The following GAB1 variants were observed in gnomAD, a reference collection of about 807,000 sequenced individuals.
GAB1 encodes the protein GRB2-associated-binding protein 1.
Under a neutral mutation model 66.5 loss-of-function variants are expected in GAB1, and 19 were observed. The observed-to-expected ratio is 0.29, with a 90% CI of 0.20 to 0.42. GAB1 has a LOEUF of 0.42. GAB1 is among the 10% of genes least tolerant of loss of function. GAB1 has a pLI of 1.00. For synonymous variants in GAB1, 294 were observed against 301.4 expected, an observed-to-expected ratio of 0.98 and a Z score of 0.25; for missense variants, 732 against 858.5, an observed-to-expected ratio of 0.85 and a Z score of 1.84.
intron 1 of GAB1, chr4:143,395,876 A>G: frequency 2.2e-6 from 1 of 454,762 alleles, no homozygotes; most frequent in Non-Finnish European, 4.4e-6. Flanking sequence ...GCTTGTCGAG[A>G]TTGATGGACC....
intron 1 of GAB1, among the ~76,000 whole-genome samples, chr4:143,399,238 T>A (rs969565768): frequency 7.2e-5 from 11 of 152,174 alleles, no homozygotes; most frequent in Admixed American, 2.6e-4. Context: ...TCTTAAATAT[T>A]AAGAAAGCAA....
At chr4:143,363,165 GA>G (rs1729733051) in intron 1 of GAB1, among the ~76,000 whole-genome samples, 1 of 152,118 alleles carries the variant, frequency 6.6e-6, no homozygotes, top group African/African-American at 2.4e-5. Context: ...CCTCCTCATA[GA>G]AATTTTGTGA....
At position 143,419,518 on chromosome 4, in the gene GAB1, G is replaced by A. The variant is rs868756198; in HGVS notation, c.367+3747G>A. ...TTACAATATCCATGGTTGGGAAAGG[G>A]TTGTAAGAAAATTCACAGTATGATT... On this transcript the variant is annotated intron_variant, in intron 2 of 9. Coordinates refer to ENST00000262994, the MANE Select transcript of GAB1 (RefSeq NM_002039.4). Among the ~76,000 whole-genome samples, 14 of 152,214 alleles carry A rather than the reference G, an allele frequency of 9.2e-5. 1 individual carries two copies. The highest frequency in any genetic ancestry group is 2.9e-4 in the African/African-American group (12 of 41,558).
chr4:143,350,329 T>C (rs1006645263), intron 1 of GAB1, among the ~76,000 whole-genome samples: 1 of 152,144 alleles, frequency 6.6e-6, no homozygotes, highest in Non-Finnish European at 1.5e-5. Flanking sequence ...AGTTACTCAG[T>C]TATTTTGTCA....
At chr4:143,417,789 G>A (rs1732775298) in intron 2 of GAB1, among the ~76,000 whole-genome samples, 1 of 152,152 alleles carries the variant, frequency 6.6e-6, no homozygotes, top group Non-Finnish European at 1.5e-5. Flanking sequence ...GTAGGTAGGG[G>A]ACTCCAGTAC....
At chr4:143,464,019 A>G (rs115886878) in intron 8 of GAB1, among the ~76,000 whole-genome samples, 1 of 152,300 alleles carries the variant, frequency 6.6e-6, no homozygotes, top group African/African-American at 2.4e-5. Context: ...AATGGAGGGT[A>G]TGGGTCTTTC....
At chr4:143,425,781 C>T in intron 2 of GAB1, 1 of 774,162 alleles carries the variant, frequency 1.3e-6, no homozygotes, top group Non-Finnish European at 2.3e-6. Flanking sequence ...TGAGGTTGCA[C>T]ACTGATCTGA....
At chr4:143,362,958 T>G (rs1274396217) in intron 1 of GAB1, among the ~76,000 whole-genome samples, 1 of 152,244 alleles carries the variant, frequency 6.6e-6, no homozygotes, top group Non-Finnish European at 1.5e-5. Flanking sequence ...TGCTGTGTGC[T>G]TGATAGTTCT....
chr4:143,349,857 G>T, intron 1 of GAB1: 2 of 1,583,456 alleles, frequency 1.3e-6, no homozygotes, highest in Non-Finnish European at 1.7e-6. Flanking sequence ...CCTTGAGAGA[G>T]GCCCCCAGGA....
rs139108144 is a variant in GAB1, at chr4:143,416,264, C to T, written c.367+493C>T. Among the ~76,000 whole-genome samples, 376 of 152,140 alleles carry T rather than the reference C, an allele frequency of 2.5e-3. 4 individuals are homozygous for T. In the East Asian group the frequency reaches 0.026, roughly 11 times the overall value. ...ACTAAAAATACAAAAAAAAATTAGC[C>T]GGGCTTGGTGGCAGGCACCTGTGGT... On this transcript the variant is annotated intron_variant, in intron 2 of 9. Transcript: ENST00000262994.
chr4:143,369,321 C>T (rs1730019042), intron 1 of GAB1, among the ~76,000 whole-genome samples: 1 of 152,118 alleles, frequency 6.6e-6, no homozygotes, highest in African/African-American at 2.4e-5. Context: ...AAGTGATCTG[C>T]CTGCCTCAGC....
chr4:143,371,071 G>A (rs1730101385), intron 1 of GAB1, among the ~76,000 whole-genome samples: 3 of 152,120 alleles, frequency 2.0e-5, no homozygotes, highest in Admixed American at 2.0e-4. Flanking sequence ...CCCAGTAATG[G>A]GATGGCTGGG....
intron 8 of GAB1, among the ~76,000 whole-genome samples, chr4:143,463,106 C>G (rs565121677): frequency 4.5e-4 from 69 of 152,264 alleles, no homozygotes; most frequent in Non-Finnish European, 7.6e-4. Context: ...AAGGACTCAT[C>G]ATAGTCCATT....
Position 143,469,344 on chromosome 4 carries a change from T to A in GAB1, c.*155T>A. On this transcript the variant is annotated 3_prime_UTR_variant, in exon 10 of 10. Transcript: ENST00000262994. ...CTGACATAATCAAGCAATTTAGACT[T>A]AAGTGGTGCTTTGTGGTATCTGAAC... 1 of 681,706 alleles carries A rather than the reference T, an allele frequency of 1.5e-6. No individual in the cohort carries two copies. Among genetic ancestry groups the A allele is most frequent in the Non-Finnish European group, 2.4e-6 (1 of 412,720 alleles). 42.2% of individuals were successfully genotyped at this position (681,706 alleles called of 1,614,324 possible). A position where few individuals can be genotyped will look rare whatever the true frequency, so the allele number is the denominator to read the frequency against.
chr4:143,435,170 T>TA (rs2149749919), intron 3 of GAB1, among the ~76,000 whole-genome samples: 1 of 152,324 alleles, frequency 6.6e-6, no homozygotes, highest in East Asian at 1.9e-4. Flanking sequence ...TAGAATATGT[T>TA]AAGATTCACG....
chr4:143,434,911 G>A (rs1213786911), intron 3 of GAB1, among the ~76,000 whole-genome samples: 1 of 152,158 alleles, frequency 6.6e-6, no homozygotes, highest in East Asian at 1.9e-4. Flanking sequence ...GAAAAATGAT[G>A]ATTGAGAGGC....
At chr4:143,438,685 A>G in intron 4 of GAB1, 85 bp downstream of exon 4, 1 of 1,372,246 alleles carries the variant, frequency 7.3e-7, no homozygotes, top group Non-Finnish European at 1.0e-6. Context: ...AAGCGTAGTT[A>G]AATATACTAT....
intron 1 of GAB1, among the ~76,000 whole-genome samples, chr4:143,350,312 G>A (rs890758845): frequency 1.9e-4 from 29 of 152,286 alleles, no homozygotes; most frequent in South Asian, 8.3e-4. Context: ...GACTAAGAAC[G>A]GTGAGGAGTT....
intron 2 of GAB1, among the ~76,000 whole-genome samples, chr4:143,429,167 A>G (rs1733520093): frequency 6.6e-6 from 1 of 152,170 alleles, no homozygotes; most frequent in South Asian, 2.1e-4. Flanking sequence ...CAGTGGCACA[A>G]TCTCGGCTCA....
Sources: allele counts gnomAD v4.1 joint callset (sites outside exome capture counted in the v4.1 genomes callset), GRCh38; gene constraint gnomAD v4.1.1; transcripts MANE v1.5; gene names NCBI Gene and HGNC (gene_info 2026-07-23, HGNC 2026-07-21).